Variants in SMC2 observed in about 807,000 individuals in gnomAD.
SMC2 encodes structural maintenance of chromosomes protein 2.
SMC2 carries 41 observed loss-of-function variants against 142.6 expected under a neutral mutation model. That is an observed-to-expected ratio of 0.29 (90% CI 0.22 to 0.37). SMC2 has a LOEUF of 0.37. SMC2 is among the 10% of genes least tolerant of loss of function. The pLI, the probability that SMC2 is intolerant of heterozygous loss-of-function variation, is 1.00. For missense variants in SMC2, 1,265 were observed against 1,373.7 expected (o/e 0.92, Z 1.25); for synonymous variants, 463 against 457.5 (o/e 1.01, Z -0.15).
In SMC2 at chr9:104,126,698, A is replaced by G. The variant is rs1834331407; in HGVS notation, c.2509A>G (p.Lys837Glu). ...GCTCAAGAGAGAGCATACATCTTAC[A>G]AACAACAGCTTGAAGCTGTAAATGA... ...EELKREHTSYKQQLEAVNEAI... is the reference protein window; with the variant it reads ...EELKREHTSYEQQLEAVNEAI... Residue 837 changes from lysine (K) to glutamate (E), a missense_variant, in exon 19 of 25, where the codon AAA becomes GAA. Lys to Glu is a moderately conservative substitution (Grantham distance 56). This residue lies in a region of SMC2 where 898 missense variants were observed against 904.2 expected (regional missense o/e 0.99). Coordinates refer to ENST00000374793, the MANE Select transcript of SMC2 (RefSeq NM_006444.3). 6.2e-7 allele frequency: 1 copy of G among 1,612,968 alleles called. No individual in the cohort carries two copies. The highest frequency in any genetic ancestry group is 8.5e-7 in the Non-Finnish European group (1 of 1,179,590).
intron 9 of SMC2, among the ~76,000 whole-genome samples, chr9:104,105,055 A>G (rs1030947918): frequency 2.0e-5 from 3 of 152,224 alleles, no homozygotes; most frequent in South Asian, 2.1e-4. Flanking sequence ...AGTGTTGGCA[A>G]TCGCATGTAT....
At chr9:104,118,517 C>T (rs1587955396) in intron 15 of SMC2, 142 bp downstream of exon 15, 1 of 666,516 alleles carries the variant, frequency 1.5e-6, no homozygotes, top group East Asian at 2.8e-5. Flanking sequence ...TGCCACCTAC[C>T]TCCTGTCAAA....
chr9:104,131,294 TGA>T (rs1286490984), intron 21 of SMC2, among the ~76,000 whole-genome samples: 3 of 152,010 alleles, frequency 2.0e-5, no homozygotes, highest in African/African-American at 7.3e-5. Flanking sequence ...AAGACAATAG[TGA>T]GTTTATTATG....
chr9:104,118,090 C>G lies in SMC2; in HGVS notation c.1792-81C>G, dbSNP rs73663500. ...AGTATTATTTAAGTTTCTATTACAG[C>G]AGTTTTTACTGGTTTATAAAATCAT... On this transcript the variant is annotated intron_variant, in intron 14 of 24. Coordinates refer to ENST00000374793, the MANE Select transcript of SMC2 (RefSeq NM_006444.3). The G allele has an allele frequency of 3.8e-3, 3,808 of 998,832 alleles. 123 individuals are homozygous for G. In the African/African-American group the frequency reaches 0.056, roughly 15 times the overall value. The allele number at this position is 998,832 out of a possible 1,614,324, so 61.9% of individuals were successfully genotyped here.
At chr9:104,104,911 C>T (rs1587911585) in intron 9 of SMC2, among the ~76,000 whole-genome samples, 1 of 152,232 alleles carries the variant, frequency 6.6e-6, no homozygotes, top group African/African-American at 2.4e-5. Flanking sequence ...GCCTGGAGCA[C>T]TGACTCAGCC....
In SMC2 at chr9:104,113,432, TAAAGAA is replaced by T; in HGVS notation, c.1375_1380del (p.Glu459_Lys460del). The T allele has an allele frequency of 6.2e-7, 1 of 1,602,886 alleles. No individual in the cohort carries two copies. The highest frequency in any genetic ancestry group is 8.5e-7 in the Non-Finnish European group (1 of 1,175,644). ...AAGCTCTAGAAGCTGTAAAAAGACT[TAAAGAA>T]AAACTTGAAGCTGAAATGAAAAAGC... On this transcript the variant is annotated inframe_deletion, in exon 11 of 25. Coordinates refer to ENST00000374793, the MANE Select transcript of SMC2 (RefSeq NM_006444.3).
rs766265764 is a variant in SMC2, at chr9:104,095,446, A to G, written c.62A>G (p.Asn21Ser). 1.1e-5 allele frequency: 18 copies of G among 1,613,774 alleles called. No individual in the cohort carries two copies. The highest frequency in any genetic ancestry group is 1.7e-4 in the Middle Eastern group (1 of 5,992). The part of the protein sequence containing the change: ...FKSYAQRTEV[N>S]GFDPLFNAIT... ...TCCTATGCTCAGAGGACCGAAGTCA[A>G]TGGTTTTGACCCCCTCTTCAATGCT... Residue 21 changes from asparagine to serine, a missense_variant, in exon 2 of 25, where the codon AAT (asparagine) becomes AGT (serine). This residue lies in a region of SMC2 where 168 missense variants were observed against 184.8 expected (regional missense o/e 0.91). Transcript: ENST00000374793.
intron 3 of SMC2, among the ~76,000 whole-genome samples, chr9:104,097,263 AT>A (rs200346269): frequency 1.3e-5 from 2 of 149,024 alleles, no homozygotes; most frequent in Non-Finnish European, 1.5e-5. Flanking sequence ...CACCCGGCTA[AT>A]TTTTTTTTGT....
intron 17 of SMC2, among the ~76,000 whole-genome samples, chr9:104,124,374 A>AC (rs1362477596): frequency 6.6e-6 from 1 of 152,060 alleles, no homozygotes; most frequent in Non-Finnish European, 1.5e-5. Flanking sequence ...GGCATGAACT[A>AC]CCACGCCTGA....
chr9:104,118,303 G>C lies in SMC2; in HGVS notation c.1924G>C (p.Asp642His). 6.2e-7 allele frequency: 1 copy of C among 1,613,656 alleles called. No individual in the cohort carries two copies. Among genetic ancestry groups the C allele is most frequent in the Non-Finnish European group, 8.5e-7 (1 of 1,179,706 alleles). The change falls in exon 15 of 25, where the codon GAT (aspartate) becomes CAT (histidine). Residue 642 changes from aspartate to histidine, a missense_variant. Around this residue, in one of 4 missense-constraint regions of SMC2, gnomAD observed 898 missense variants for 904.2 expected, o/e 0.99. Transcript: ENST00000374793. ...GGATAATGCCAAAAAAGTGGCCTTT[G>C]ATAAGAGGATAATGACTAGAACTGT... ...NMDNAKKVAF[D>H]KRIMTRTVTL...
chr9:104,097,322 G>T (rs532222743), intron 3 of SMC2, among the ~76,000 whole-genome samples: 1 of 151,080 alleles, frequency 6.6e-6, no homozygotes, highest in East Asian at 1.9e-4. Flanking sequence ...TGGCCAGGGT[G>T]GTCTCAATCT....
intron 17 of SMC2, 128 bp from the exon 18 acceptor site, chr9:104,124,784 A>G: frequency 1.6e-6 from 1 of 628,454 alleles, no homozygotes; most frequent in South Asian, 2.3e-5. Flanking sequence ...TTTCTAGAAT[A>G]TCATTGGGAT....
chr9:104,107,102 G>A (rs1038706489), intron 9 of SMC2, among the ~76,000 whole-genome samples: 1 of 152,080 alleles, frequency 6.6e-6, no homozygotes, highest in Non-Finnish European at 1.5e-5. Context: ...TGGTCCCTTG[G>A]GGTTCCAACT....
chr9:104,110,674 A>G (rs1212049936), intron 9 of SMC2, among the ~76,000 whole-genome samples: 1 of 152,192 alleles, frequency 6.6e-6, no homozygotes, highest in Non-Finnish European at 1.5e-5. Flanking sequence ...CTCCTTAGCC[A>G]TTTACTCACT....
chr9:104,139,398 C>A lies in SMC2; in HGVS notation c.*83C>A. Reference sequence around the variant, plus strand: ...TTGAGATAACTAATTTGTTTATATACAAAAATTAATGTTACTGTGTTACTT... The same window carrying A: ...TTGAGATAACTAATTTGTTTATATAAAAAAATTAATGTTACTGTGTTACTT... On this transcript the variant is annotated 3_prime_UTR_variant, in exon 25 of 25. Coordinates refer to ENST00000374793, the MANE Select transcript of SMC2 (RefSeq NM_006444.3). 1.8e-6 allele frequency: 2 copies of A among 1,135,976 alleles called. No homozygotes were observed. The highest frequency in any genetic ancestry group is 2.5e-6 in the Non-Finnish European group (2 of 806,496). 70.4% of individuals were successfully genotyped at this position (1,135,976 alleles called of 1,614,324 possible).
rs755532103 is a variant in SMC2, at chr9:104,096,136, A to T, written c.169-12A>T. ...GTTTTGTAATTGTTACACTTTTCAT[A>T]TTTTATTTTAGGTTCGGGCTTCTAA... On this transcript the variant is annotated splice_polypyrimidine_tract_variant and intron_variant, in intron 2 of 24. Transcript: ENST00000374793. The T allele has an allele frequency of 3.7e-6, 6 of 1,609,078 alleles. No homozygotes were observed. Among genetic ancestry groups the T allele is most frequent in the African/African-American group, 2.7e-5 (2 of 74,640 alleles).
chr9:104,104,132 A>G (rs972942592), intron 9 of SMC2, among the ~76,000 whole-genome samples: 11 of 152,116 alleles, frequency 7.2e-5, no homozygotes, highest in Non-Finnish European at 1.3e-4. Context: ...CTCTCACGCC[A>G]TAGGTGGTCT....
chr9:104,096,380 C>A, intron 3 of SMC2, 83 bp downstream of exon 3: 1 of 1,356,712 alleles, frequency 7.4e-7, no homozygotes, highest in Non-Finnish European at 1.0e-6. Context: ...GCAAAACGTG[C>A]TAGAGAAAGT....
chr9:104,089,479 G>A (rs1045687060), upstream of SMC2, among the ~76,000 whole-genome samples: 1 of 152,042 alleles, frequency 6.6e-6, no homozygotes, highest in African/African-American at 2.4e-5. Flanking sequence ...ATTTGAGGAA[G>A]AGAAGTCAAT....
Sources: allele counts gnomAD v4.1 joint callset (sites outside exome capture counted in the v4.1 genomes callset), GRCh38; gene constraint gnomAD v4.1.1; regional missense constraint gnomAD v4.1.1; transcripts MANE v1.5; gene names NCBI Gene and HGNC (gene_info 2026-07-23, HGNC 2026-07-21).